The following ATP1B2 variants were observed in gnomAD, a reference collection of about 807,000 sequenced individuals.
ATP1B2 encodes sodium/potassium-transporting ATPase subunit beta-2.
A neutral mutation model predicts 37.3 loss-of-function variants in ATP1B2; 12 were observed. That is an observed-to-expected ratio of 0.32 (90% CI 0.21 to 0.52). ATP1B2 has a LOEUF of 0.52. Among genes scored for constraint, ATP1B2 ranks in the 20% least tolerant of loss-of-function variants. The probability of loss-of-function intolerance (pLI) is 0.96; values close to 1 mark genes in which losing one functional copy is unlikely to be tolerated. For synonymous variants in ATP1B2, 139 were observed against 140.5 expected, an observed-to-expected ratio of 0.99 and a Z score of 0.07; for missense variants, 324 against 391.6, an observed-to-expected ratio of 0.83 and a Z score of 1.46.
rs1007482781 is a variant in ATP1B2, at chr17:7,657,385, A to AC, written c.*1490_*1491insC. 2 of 152,202 alleles carry AC rather than the reference A, an allele frequency of 1.3e-5. No homozygotes were observed. Among genetic ancestry groups the AC allele is most frequent in the African/African-American group, 4.8e-5 (2 of 41,400 alleles). The allele number at this position is 152,202 out of a possible 1,614,324, so 9.4% of individuals were successfully genotyped here. ...TCTTCAGACCCCTTTGCCTTTAAAA[A>AC]AAAAACAAAAACAAAAACAAAAAAA... is the stretch of plus-strand genomic sequence containing the variant. On this transcript the variant is annotated 3_prime_UTR_variant, in exon 7 of 7. Transcript: ENST00000250111.
At chr17:7,653,601 T>C in intron 2 of ATP1B2, 99 bp downstream of exon 2, 1 of 1,530,388 alleles carries the variant, frequency 6.5e-7, no homozygotes, top group Non-Finnish European at 8.8e-7. Flanking sequence ...TTGATTTTGA[T>C]GACCCAATCC....
rs114958447 is a variant in ATP1B2, at chr17:7,655,009, G to A, written c.609+325G>A. On this transcript the variant is annotated intron_variant, in intron 5 of 6. Coordinates refer to ENST00000250111, the MANE Select transcript of ATP1B2 (RefSeq NM_001678.5). This position sits in a 1 kb window ranked among gnomAD's most constrained non-coding sequence, Gnocchi z 4.4. ...CCTTCATTCCCAGATTGTCCGTATC[G>A]TTCGCTCTCCCTCCCATATGGCCCC... Among the ~76,000 whole-genome samples, 479 of 151,930 alleles carry A rather than the reference G, an allele frequency of 3.2e-3. 6 individuals carry two copies. Among genetic ancestry groups the A allele is most frequent in the African/African-American group, 0.011 (440 of 41,412 alleles).
chr17:7,650,065 A>C (rs12936842), upstream of ATP1B2, among the ~76,000 whole-genome samples: 1 of 151,958 alleles, frequency 6.6e-6, no homozygotes, highest in Non-Finnish European at 1.5e-5. Flanking sequence ...CCCGTGAGAG[A>C]TGTGGCTTCA....
Position 7,651,547 on chromosome 17 carries a change from G to T in ATP1B2, c.29G>T (p.Cys10Phe). The change falls in exon 1 of 7, where the codon TGC becomes TTC. Residue 10 changes from cysteine to phenylalanine, a missense_variant. Transcript: ENST00000250111. Reference sequence around the variant, plus strand: ...GTCATCCAGAAAGAGAAGAAGAGCTGCGGGCAGGTGGTTGAGGAGTGGAAG... The same window carrying T: ...GTCATCCAGAAAGAGAAGAAGAGCTTCGGGCAGGTGGTTGAGGAGTGGAAG... MVIQKEKKS[C>F]GQVVEEWKEF... The T allele has an allele frequency of 1.9e-6, 3 of 1,606,452 alleles. No homozygotes were observed. Among genetic ancestry groups the T allele is most frequent in the Non-Finnish European group, 2.5e-6 (3 of 1,176,570 alleles).
rs1054212051 is a variant in ATP1B2, at chr17:7,650,959, GC to G, written c.-554del. On this transcript the variant is annotated 5_prime_UTR_variant, in exon 1 of 7. Coordinates refer to ENST00000250111, the MANE Select transcript of ATP1B2 (RefSeq NM_001678.5). ...GAGGAGCGGAGCCTCCGCCTGGGGG[GC>G]CCCCCATCCCTGGCTGTCCCCCAGC... is the stretch of plus-strand genomic sequence containing the variant. Among the ~76,000 whole-genome samples, 9 of 152,012 alleles carry G rather than the reference GC, an allele frequency of 5.9e-5. No individual in the cohort carries two copies. The highest frequency in any genetic ancestry group is 2.2e-4 in the African/African-American group (9 of 41,340).
At chr17:7,652,550 C>T (rs1248831804) in intron 1 of ATP1B2, among the ~76,000 whole-genome samples, 3 of 152,178 alleles carry the variant, frequency 2.0e-5, no homozygotes, top group African/African-American at 4.8e-5. Context: ...GCAATCCATT[C>T]CCTCAGGGAA....
Position 7,654,367 on chromosome 17 carries a change from G to A in ATP1B2, c.552+110G>A. 1.5e-6 allele frequency: 2 copies of A among 1,316,802 alleles called. No individual in the cohort carries two copies. The highest frequency in any genetic ancestry group is 2.1e-6 in the Non-Finnish European group (2 of 933,720). The allele number at this position is 1,316,802 out of a possible 1,614,324, so 81.6% of individuals were successfully genotyped here. A position where few individuals can be genotyped will look rare whatever the true frequency, so the allele number is the denominator to read the frequency against. ...TAATGGGCATGAGAAAGACTTGGAT[G>A]TTTGTGTAGCTGAGAGAAAAAGAGA... On this transcript the variant is annotated intron_variant, in intron 4 of 6. Transcript: ENST00000250111. The surrounding 1 kb of genome is among the most constrained non-coding windows in gnomAD (Gnocchi z 4.9).
At chr17:7,649,235 T>G (rs991992706), upstream of ATP1B2, among the ~76,000 whole-genome samples, 2 of 151,508 alleles carry the variant, frequency 1.3e-5, no homozygotes, top group Non-Finnish European at 1.5e-5. Context: ...TTAGTTTTAG[T>G]AGAGACGCAG....
rs2072657892 is a variant in ATP1B2 at position 7,656,876 on chromosome 17, T to A, written c.*981T>A. ...GCATTTTTTAGTAGAGATGGGGGTTTCTCCTTGTTGGTCAGGCTGGTCTCG... is the reference window on the plus strand; with the variant it reads ...GCATTTTTTAGTAGAGATGGGGGTTACTCCTTGTTGGTCAGGCTGGTCTCG... On this transcript the variant is annotated 3_prime_UTR_variant, in exon 7 of 7. Coordinates refer to ENST00000250111, the MANE Select transcript of ATP1B2 (RefSeq NM_001678.5). 1 of 150,554 alleles carries A rather than the reference T, an allele frequency of 6.6e-6. No individual in the cohort carries two copies. Among genetic ancestry groups the A allele is most frequent in the Non-Finnish European group, 1.5e-5 (1 of 67,674 alleles). The allele number at this position is 150,554 out of a possible 1,614,324, so 9.3% of individuals were successfully genotyped here. A position where few individuals can be genotyped will look rare whatever the true frequency, so the allele number is the denominator to read the frequency against.
chr17:7,653,956 G>T lies in ATP1B2; in HGVS notation c.346+11G>T. The T allele has an allele frequency of 2.5e-6, 4 of 1,613,982 alleles. No homozygotes were observed. The highest frequency in any genetic ancestry group is 3.4e-6 in the Non-Finnish European group (4 of 1,179,868). ...ACAAGTTCTTGGAGCGTGAGTGTGG[G>T]CCTGGTTATGTGTCAGTTCAAGACT... On this transcript the variant is annotated intron_variant, in intron 3 of 6. Coordinates refer to ENST00000250111, the MANE Select transcript of ATP1B2 (RefSeq NM_001678.5).
rs1410944750 is a variant in ATP1B2 at position 7,651,593 on chromosome 17, G to A, written c.75G>A (p.Arg25=). The change falls in exon 1 of 7, where the codon AGG becomes AGA. Residue 25 remains arginine (R), a synonymous_variant. Transcript: ENST00000250111. ...EEWKEFVWNP[R]THQFMGRTGT... The stretch of plus-strand genomic sequence containing the variant: ...GGAAGGAGTTCGTGTGGAACCCGAG[G>A]ACGCACCAGTTTATGGGCCGCACCG... 1 of 1,607,248 alleles carries A rather than the reference G, an allele frequency of 6.2e-7. No homozygotes were observed.
Position 7,653,878 on chromosome 17 carries a change from C to T in ATP1B2, c.279C>T (p.Val93=). ...MIRPKTENLD[V]IVNVSDTESW... is the part of the protein sequence containing the mutation. Reference sequence around the variant, plus strand: ...GCCCCAAGACTGAGAACCTTGATGTCATTGTCAATGTCAGTGACACTGAAA... The same window carrying T: ...GCCCCAAGACTGAGAACCTTGATGTTATTGTCAATGTCAGTGACACTGAAA... Residue 93 remains valine (V), a synonymous_variant, in exon 3 of 7, where the codon GTC becomes GTT. Transcript: ENST00000250111. 1 of 1,614,140 alleles carries T rather than the reference C, an allele frequency of 6.2e-7. No homozygotes were observed.
chr17:7,655,849 A>G lies in ATP1B2; in HGVS notation c.827A>G (p.Lys276Arg). 2 of 1,614,090 alleles carry G rather than the reference A, an allele frequency of 1.2e-6. No homozygotes were observed. The highest frequency in any genetic ancestry group is 2.2e-5 in the South Asian group (2 of 91,078). Residue 276 changes from lysine (K) to arginine (R), a missense_variant, in exon 7 of 7, where the codon AAG (lysine) becomes AGG (arginine). By Grantham distance (26) the Lys-to-Arg change is conservative (BLOSUM62 2). Transcript: ENST00000250111. The surrounding 1 kb of genome is among the most constrained non-coding windows in gnomAD (Gnocchi z 4.4). ...ATCGCCACAGACGATGAGCGAGACAAGTTCGCCGGCCGCGTGGCCTTCAAA... is the reference window on the plus strand; with the variant it reads ...ATCGCCACAGACGATGAGCGAGACAGGTTCGCCGGCCGCGTGGCCTTCAAA... ...ANIATDDERD[K>R]FAGRVAFKLR...
rs775506901 is a variant in ATP1B2 at position 7,654,765 on chromosome 17, G to C, written c.609+81G>C. 5.3e-6 allele frequency: 8 copies of C among 1,503,538 alleles called. No homozygotes were observed. Among genetic ancestry groups the C allele is most frequent in the African/African-American group, 2.8e-5 (2 of 72,598 alleles). 93.1% of individuals were successfully genotyped at this position (1,503,538 alleles called of 1,614,324 possible). On this transcript the variant is annotated intron_variant, in intron 5 of 6. Transcript: ENST00000250111. The surrounding 1 kb of genome is among the most constrained non-coding windows in gnomAD (Gnocchi z 4.9). ...TTCATGGTTTCTGTGTAATTCACCTGTCTCTCCCTATCTTCTTTGCTCCTA... is the reference window on the plus strand; with the variant it reads ...TTCATGGTTTCTGTGTAATTCACCTCTCTCTCCCTATCTTCTTTGCTCCTA...
intron 2 of ATP1B2, 27 bp from the exon 3 acceptor site, chr17:7,653,814 C>T (rs1248629134): frequency 7.5e-6 from 12 of 1,607,526 alleles, no homozygotes; most frequent in Non-Finnish European, 1.0e-5. Context: ...TATAGATACC[C>T]CCAACTTCTG....
rs1042420942 is a variant in ATP1B2 at position 7,655,348 on chromosome 17, C to G, written c.610-179C>G. 4 of 625,100 alleles carry G rather than the reference C, an allele frequency of 6.4e-6. No homozygotes were observed. The highest frequency in any genetic ancestry group is 3.7e-5 in the African/African-American group (2 of 54,394). 38.7% of individuals were successfully genotyped at this position (625,100 alleles called of 1,614,324 possible). A position where few individuals can be genotyped will look rare whatever the true frequency, so the allele number is the denominator to read the frequency against. ...GAATGATGACAGGGACAGACCATCCCCTCATCTACACACGCACATGCAGAC... is the reference window on the plus strand; with the variant it reads ...GAATGATGACAGGGACAGACCATCCGCTCATCTACACACGCACATGCAGAC... On this transcript the variant is annotated intron_variant, in intron 5 of 6. Transcript: ENST00000250111. This position sits in a 1 kb window ranked among gnomAD's most constrained non-coding sequence, Gnocchi z 4.4.
chr17:7,648,383 GC>G (rs1056511158), upstream of ATP1B2, among the ~76,000 whole-genome samples: 1 of 151,738 alleles, frequency 6.6e-6, no homozygotes, highest in African/African-American at 2.4e-5. Flanking sequence ...CTCAAAACTA[GC>G]CTGGCCAACA....
Position 7,655,220 on chromosome 17 carries a change from C to G in ATP1B2, c.610-307C>G. Reference sequence around the variant, plus strand: ...ACCCTTAATCATGTATCTCTTCTTTCTTGGCTCTGCTCCAGAAACTGATTC... The same window carrying G: ...ACCCTTAATCATGTATCTCTTCTTTGTTGGCTCTGCTCCAGAAACTGATTC... On this transcript the variant is annotated intron_variant, in intron 5 of 6. Coordinates refer to ENST00000250111, the MANE Select transcript of ATP1B2 (RefSeq NM_001678.5). The surrounding 1 kb of genome is among the most constrained non-coding windows in gnomAD (Gnocchi z 4.4). The G allele has an allele frequency of 2.2e-6, 1 of 460,628 alleles. No homozygotes were observed. Among genetic ancestry groups the G allele is most frequent in the Non-Finnish European group, 3.9e-6 (1 of 257,176 alleles). The allele number at this position is 460,628 out of a possible 1,614,324, so 28.5% of individuals were successfully genotyped here. A position where few individuals can be genotyped will look rare whatever the true frequency, so the allele number is the denominator to read the frequency against.
At chr17:7,652,499 A>G (rs2072620876) in intron 1 of ATP1B2, among the ~76,000 whole-genome samples, 2 of 152,190 alleles carry the variant, frequency 1.3e-5, no homozygotes, top group Non-Finnish European at 2.9e-5. Context: ...CACCGTCCCC[A>G]TCAGTCCACC....
Sources: gnomAD v4.1 joint callset for allele counts (sites outside exome capture counted in the v4.1 genomes callset) on GRCh38, gnomAD v4.1.1 for gene constraint, Gnocchi (gnomAD v3.1) non-coding constraint, MANE v1.5 for transcripts, NCBI Gene and HGNC (gene_info 2026-07-23, HGNC 2026-07-21) for gene names.